Variants in NTM observed in about 807,000 individuals in gnomAD.
The protein encoded by NTM is neurotrimin, also known as IgLON family member 2.
NTM carries 13 observed loss-of-function variants against 42.1 expected under a neutral mutation model. That is an observed-to-expected ratio of 0.31 (90% CI 0.20 to 0.49). NTM has a LOEUF of 0.49. Ranked by LOEUF, NTM falls within the 20% of genes least tolerant of loss-of-function variation. The pLI is 0.99. For missense variants in NTM, 373 were observed against 452.8 expected (o/e 0.82, Z 1.60); for synonymous variants, 187 against 179.2 (o/e 1.04, Z -0.35).
chr11:131,885,592 C>T (rs191064771), intron 1 of NTM, among the ~76,000 whole-genome samples: 3 of 152,298 alleles, frequency 2.0e-5, no homozygotes, highest in Admixed American at 2.0e-4. Context: ...GAGCCTGCCC[C>T]CACCCCATCC....
intron 8 of NTM, among the ~76,000 whole-genome samples, chr11:132,334,220 A>G (rs1203462737): frequency 6.6e-6 from 1 of 152,236 alleles, no homozygotes; most frequent in African/African-American, 2.4e-5. Flanking sequence ...ATGTTTCAGA[A>G]CAATAGGGAA....
At chr11:131,528,324 T>A (rs1316766203) in intron 1 of NTM, among the ~76,000 whole-genome samples, 1 of 151,308 alleles carries the variant, frequency 6.6e-6, no homozygotes, top group East Asian at 1.9e-4. Flanking sequence ...TAAAAATAAC[T>A]GGCATTTATT....
chr11:131,589,615 C>A (rs2059189976), intron 1 of NTM, among the ~76,000 whole-genome samples: 1 of 152,140 alleles, frequency 6.6e-6, no homozygotes, highest in Non-Finnish European at 1.5e-5. Context: ...GTATCTTATG[C>A]CTTTCATGTC....
At chr11:131,432,232 G>A (rs890609439) in intron 1 of NTM, among the ~76,000 whole-genome samples, 1 of 152,144 alleles carries the variant, frequency 6.6e-6, no homozygotes, top group Admixed American at 6.5e-5. Flanking sequence ...AGGTAGGCAA[G>A]CTCATTTGTT....
At chr11:132,286,549 C>A (rs553151285) in intron 4 of NTM, among the ~76,000 whole-genome samples, 1 of 152,052 alleles carries the variant, frequency 6.6e-6, no homozygotes, top group East Asian at 1.9e-4. Flanking sequence ...AGCCTCAATG[C>A]GCAACTTTGG....
intron 1 of NTM, among the ~76,000 whole-genome samples, chr11:131,685,691 A>C (rs2073779138): frequency 6.6e-6 from 1 of 152,174 alleles, no homozygotes; most frequent in Non-Finnish European, 1.5e-5. Context: ...TTTTTTAAAA[A>C]AATCATTTTG....
At chr11:132,108,577 G>A (rs1203100049) in intron 2 of NTM, among the ~76,000 whole-genome samples, 1 of 152,046 alleles carries the variant, frequency 6.6e-6, no homozygotes, top group African/African-American at 2.4e-5. Flanking sequence ...ATTGCATGCA[G>A]TGTACACTGT....
At chr11:132,229,477 T>C (rs749886600) in intron 4 of NTM, among the ~76,000 whole-genome samples, 20 of 152,258 alleles carry the variant, frequency 1.3e-4, no homozygotes, top group Non-Finnish European at 1.5e-5. Flanking sequence ...TCTTTTTGGC[T>C]AGAATCCATA....
chr11:132,273,312 T>G (rs1356996873), intron 4 of NTM, among the ~76,000 whole-genome samples: 1 of 100,748 alleles, frequency 9.9e-6, no homozygotes, highest in African/African-American at 3.0e-5. Flanking sequence ...GACTAGTGTT[T>G]TTTTTTTTTT....
At chr11:131,690,664 C>G (rs530546941) in intron 1 of NTM, among the ~76,000 whole-genome samples, 1 of 152,156 alleles carries the variant, frequency 6.6e-6, no homozygotes, top group Admixed American at 6.5e-5. Flanking sequence ...GGCCTGAGTG[C>G]GGGAGAATGG....
intron 2 of NTM, among the ~76,000 whole-genome samples, chr11:132,039,523 G>A (rs987309532): frequency 6.0e-5 from 9 of 149,538 alleles, no homozygotes; most frequent in Non-Finnish European, 1.3e-4. Context: ...TCTGTTTCCT[G>A]TCTGGATTCT....
chr11:131,522,914 A>G (rs990567450), intron 1 of NTM, among the ~76,000 whole-genome samples: 1 of 152,258 alleles, frequency 6.6e-6, no homozygotes, highest in South Asian at 2.1e-4. Flanking sequence ...AGAGGTGACG[A>G]CCAAGCATTA....
At chr11:131,469,679 C>G (rs1285785962) in intron 1 of NTM, among the ~76,000 whole-genome samples, 1 of 152,202 alleles carries the variant, frequency 6.6e-6, no homozygotes, top group Non-Finnish European at 1.5e-5. Context: ...AACCCATGTA[C>G]TACCACTGAG....
intron 2 of NTM, among the ~76,000 whole-genome samples, chr11:132,008,509 G>C (rs530704598): frequency 1.1e-4 from 17 of 151,898 alleles, no homozygotes; most frequent in South Asian, 6.3e-4. Context: ...GTCTATGACA[G>C]GTTTTTATAG....
rs57943206 is a variant in NTM at position 131,752,213 on chromosome 11, C to T, written c.83-159351C>T. Among the ~76,000 whole-genome samples, 1,033 of 152,176 alleles carry T rather than the reference C, an allele frequency of 6.8e-3. 16 individuals are homozygous for T. Among genetic ancestry groups the T allele is most frequent in the African/African-American group, 0.023 (959 of 41,526 alleles). On this transcript the variant is annotated intron_variant, in intron 1 of 8. Coordinates refer to ENST00000683400, the MANE Select transcript of NTM (RefSeq NM_001352005.2). ...GAAAAGTTGTATGTTTTAACCCCAT[C>T]AAAAAGTGGGCGAAGGATATGAACA...
intron 4 of NTM, among the ~76,000 whole-genome samples, chr11:132,265,331 G>A (rs777096173): frequency 8.5e-5 from 13 of 152,178 alleles, no homozygotes; most frequent in Non-Finnish European, 1.6e-4. Flanking sequence ...GTACGCAAAC[G>A]TAGGCTTTAC....
At chr11:131,409,222 C>T (rs1002713324) in intron 1 of NTM, among the ~76,000 whole-genome samples, 3 of 152,208 alleles carry the variant, frequency 2.0e-5, no homozygotes, top group Admixed American at 6.5e-5. Flanking sequence ...AAAGTATTAG[C>T]ATCAAACACT....
In NTM at chr11:132,146,257, C is replaced by A. The variant is rs747602602; in HGVS notation, c.168-25C>A. ...CTGCTGTCGTCTCTCAGTCCCTTGA[C>A]GTACCTGTCTGGTCTTCCCTTCAGG... On this transcript the variant is annotated intron_variant, in intron 2 of 8. Coordinates refer to ENST00000683400, the MANE Select transcript of NTM (RefSeq NM_001352005.2). The surrounding 1 kb of genome is among the most constrained non-coding windows in gnomAD (Gnocchi z 4.5). The A allele has an allele frequency of 1.9e-6, 3 of 1,613,188 alleles. No homozygotes were observed. Among genetic ancestry groups the A allele is most frequent in the Non-Finnish European group, 1.7e-6 (2 of 1,179,412 alleles).
chr11:132,103,596 A>G (rs1408358552), intron 2 of NTM, among the ~76,000 whole-genome samples: 1 of 152,176 alleles, frequency 6.6e-6, no homozygotes, highest in Non-Finnish European at 1.5e-5. Flanking sequence ...GGTGACAACA[A>G]GGAGGGAAGA....
Sources: allele counts gnomAD v4.1 joint callset (sites outside exome capture counted in the v4.1 genomes callset), GRCh38; gene constraint gnomAD v4.1.1; non-coding constraint Gnocchi (gnomAD v3.1); transcripts MANE v1.5; gene names NCBI Gene and HGNC (gene_info 2026-07-23, HGNC 2026-07-21).